Variants in ACSS3 observed in about 807,000 individuals in gnomAD.
ACSS3 encodes the protein acyl-CoA synthetase short-chain family member 3, mitochondrial.
ACSS3 carries 64 observed loss-of-function variants against 84.2 expected under a neutral mutation model. That is an observed-to-expected ratio of 0.76 (90% CI 0.62 to 0.94). ACSS3 has a LOEUF of 0.94. Among genes scored for constraint, ACSS3 ranks in the 40% least tolerant of loss-of-function variants. The probability of loss-of-function intolerance (pLI) is 0.00; values close to 1 mark genes in which losing one functional copy is unlikely to be tolerated. For synonymous variants in ACSS3, 317 were observed against 310.1 expected, an observed-to-expected ratio of 1.02 and a Z score of -0.23; for missense variants, 815 against 867.6, an observed-to-expected ratio of 0.94 and a Z score of 0.76.
At position 81,109,496 on chromosome 12, in the gene ACSS3, C is replaced by T. The variant is rs1013847174; in HGVS notation, c.312-64C>T. 80 of 1,540,102 alleles carry T rather than the reference C, an allele frequency of 5.2e-5. No homozygotes were observed. In the Admixed American group the frequency reaches 1.5e-3, roughly 30 times the overall value. On this transcript the variant is annotated intron_variant, in intron 1 of 15. Coordinates refer to ENST00000548058, the MANE Select transcript of ACSS3 (RefSeq NM_024560.4). ...CTCTATCAAACTAGAAATATAATAA[C>T]TTCATTAAGTGACAATATATTTTTA...
In ACSS3 at chr12:81,254,941, A is replaced by G. The variant is rs777508068; in HGVS notation, c.*19A>G. 2.6e-6 allele frequency: 4 copies of G among 1,543,404 alleles called. No homozygotes were observed. The highest frequency in any genetic ancestry group is 3.9e-5 in the Admixed American group (2 of 51,482). On this transcript the variant is annotated 3_prime_UTR_variant, in exon 16 of 16. Coordinates refer to ENST00000548058, the MANE Select transcript of ACSS3 (RefSeq NM_024560.4). Reference sequence around the variant, plus strand: ...AGCATAATGAGTTTGTCTTATTCCTATTTTGAGTTGATTTAATTTCTTAAT... The same window carrying G: ...AGCATAATGAGTTTGTCTTATTCCTGTTTTGAGTTGATTTAATTTCTTAAT...
intron 11 of ACSS3, among the ~76,000 whole-genome samples, chr12:81,223,179 T>C (rs1383962790): frequency 6.6e-6 from 1 of 152,042 alleles, no homozygotes; most frequent in African/African-American, 2.4e-5. Flanking sequence ...TTCTCTCTGA[T>C]GGACAAACGT....
intron 1 of ACSS3, among the ~76,000 whole-genome samples, chr12:81,099,455 A>T (rs953787983): frequency 6.6e-6 from 1 of 152,196 alleles, no homozygotes; most frequent in East Asian, 1.9e-4. Context: ...CATTATGACA[A>T]CTAAATATGG....
At chr12:81,235,046 G>A (rs949486272) in intron 13 of ACSS3, among the ~76,000 whole-genome samples, 1 of 151,010 alleles carries the variant, frequency 6.6e-6, no homozygotes, top group African/African-American at 2.4e-5. Context: ...TTTATATTCA[G>A]TTTTATTGTT....
intron 8 of ACSS3, among the ~76,000 whole-genome samples, chr12:81,177,043 T>TA (rs2030536701): frequency 6.6e-6 from 1 of 152,066 alleles, no homozygotes; most frequent in South Asian, 2.1e-4. Context: ...AGTCATCACA[T>TA]AAAAATAACT....
intron 8 of ACSS3, among the ~76,000 whole-genome samples, chr12:81,179,773 C>T (rs997622499): frequency 4.5e-5 from 4 of 88,498 alleles, no homozygotes; most frequent in Middle Eastern, 7.1e-3. Flanking sequence ...AGCGAGACTC[C>T]GTCTCAAAAA....
chr12:81,159,104 C>A (rs1468205141), intron 7 of ACSS3, among the ~76,000 whole-genome samples: 1 of 151,950 alleles, frequency 6.6e-6, no homozygotes, highest in South Asian at 2.1e-4. Flanking sequence ...CTTTTTTTTA[C>A]AACAGGACTG....
At chr12:81,204,399 A>C (rs1593193377) in intron 9 of ACSS3, among the ~76,000 whole-genome samples, 4 of 114,990 alleles carry the variant, frequency 3.5e-5, no homozygotes, top group Non-Finnish European at 5.1e-5. Flanking sequence ...TTTCCTCCTT[A>C]CCTCTCTTCC....
At chr12:81,241,199 T>C (rs1593233960) in intron 13 of ACSS3, among the ~76,000 whole-genome samples, 1 of 152,204 alleles carries the variant, frequency 6.6e-6, no homozygotes, top group Admixed American at 6.5e-5. Flanking sequence ...TATTCCATGG[T>C]ATATGTGTGC....
chr12:81,224,303 T>C (rs1029481473), intron 11 of ACSS3, among the ~76,000 whole-genome samples: 1 of 151,868 alleles, frequency 6.6e-6, no homozygotes, highest in Non-Finnish European at 1.5e-5. Context: ...ATATTCTTTT[T>C]CTATAACTTT....
chr12:81,248,124 G>C (rs959217829), intron 13 of ACSS3, among the ~76,000 whole-genome samples: 1 of 152,036 alleles, frequency 6.6e-6, no homozygotes, highest in Non-Finnish European at 1.5e-5. Context: ...AATTAGTACA[G>C]CCGTTATGGA....
chr12:81,175,045 A>G lies in ACSS3; in HGVS notation c.1250+106A>G, dbSNP rs1214295793. On this transcript the variant is annotated intron_variant, in intron 8 of 15. Coordinates refer to ENST00000548058, the MANE Select transcript of ACSS3 (RefSeq NM_024560.4). ...CTGGAATACTCTTATAGGAAGAGCC[A>G]AAAGATTCAGAGTGTTATTAAGAAC... 9 of 1,249,956 alleles carry G rather than the reference A, an allele frequency of 7.2e-6. No homozygotes were observed. In the Admixed American group the frequency reaches 2.5e-4, roughly 35 times the overall value. 77.4% of individuals were successfully genotyped at this position (1,249,956 alleles called of 1,614,324 possible).
chr12:81,188,184 T>C (rs533638945), intron 8 of ACSS3, among the ~76,000 whole-genome samples: 1 of 152,090 alleles, frequency 6.6e-6, no homozygotes, highest in East Asian at 1.9e-4. Flanking sequence ...TTAAAGATGA[T>C]ATATATCTCT....
At chr12:81,099,859 A>G (rs1882363972) in intron 1 of ACSS3, among the ~76,000 whole-genome samples, 1 of 152,200 alleles carries the variant, frequency 6.6e-6, no homozygotes, top group Non-Finnish European at 1.5e-5. Context: ...GAGAAGAATC[A>G]TGTAAACATT....
At chr12:81,096,708 G>A (rs1006060975) in intron 1 of ACSS3, among the ~76,000 whole-genome samples, 1 of 151,292 alleles carries the variant, frequency 6.6e-6, no homozygotes, top group African/African-American at 2.4e-5. Context: ...ACTTATGAGT[G>A]AGAACATGTG....
intron 2 of ACSS3, among the ~76,000 whole-genome samples, chr12:81,130,459 T>A (rs565508488): frequency 6.6e-6 from 1 of 152,212 alleles, no homozygotes; most frequent in East Asian, 1.9e-4. Flanking sequence ...CTTCACCCAC[T>A]TTTTGATGGG....
intron 1 of ACSS3, among the ~76,000 whole-genome samples, chr12:81,083,603 G>A (rs559378710): frequency 5.9e-5 from 9 of 151,604 alleles, no homozygotes; most frequent in African/African-American, 2.2e-4. Flanking sequence ...CTCGTGATCC[G>A]CTCACCTCGG....
chr12:81,242,858 T>A (rs1055132601), intron 13 of ACSS3, among the ~76,000 whole-genome samples: 8 of 152,064 alleles, frequency 5.3e-5, no homozygotes, highest in African/African-American at 1.9e-4. Context: ...GGGATGTATC[T>A]CAAAATAATA....
chr12:81,140,907 T>A (rs1053607538), intron 4 of ACSS3, among the ~76,000 whole-genome samples: 1 of 152,206 alleles, frequency 6.6e-6, no homozygotes, highest in African/African-American at 2.4e-5. Flanking sequence ...CAATGCTAAG[T>A]ACTTCCAAAT....
Sources: allele counts gnomAD v4.1 joint callset (sites outside exome capture counted in the v4.1 genomes callset), GRCh38; gene constraint gnomAD v4.1.1; transcripts MANE v1.5; gene names NCBI Gene and HGNC (gene_info 2026-07-23, HGNC 2026-07-21).